Variants in ZNF280D observed in about 807,000 individuals in gnomAD.
ZNF280D encodes the protein zinc finger protein 280D.
A neutral mutation model predicts 94.7 loss-of-function variants in ZNF280D; 39 were observed. The ratio of observed to expected loss-of-function variants is 0.41; its 90% CI spans 0.32 to 0.54. ZNF280D has a LOEUF of 0.54. Among genes scored for constraint, ZNF280D ranks in the 20% least tolerant of loss-of-function variants. ZNF280D has a pLI of 0.22. For synonymous variants in ZNF280D, 398 were observed against 377.6 expected (o/e 1.05, Z -0.63); for missense variants, 1,090 against 1,149.3 (o/e 0.95, Z 0.75).
intron 16 of ZNF280D, among the ~76,000 whole-genome samples, chr15:56,663,628 T>C (rs867062290): frequency 6.6e-6 from 1 of 152,182 alleles, no homozygotes; most frequent in African/African-American, 2.4e-5. Context: ...AGAGTGGCAA[T>C]GGAAGCTTTT....
At chr15:56,708,660 A>G (rs2057562899) in intron 1 of ZNF280D, among the ~76,000 whole-genome samples, 1 of 152,182 alleles carries the variant, frequency 6.6e-6, no homozygotes. Flanking sequence ...CAAAACAGAG[A>G]TATAGGCCAA....
intron 1 of ZNF280D, among the ~76,000 whole-genome samples, chr15:56,715,522 A>C (rs186033729): frequency 2.5e-3 from 378 of 152,230 alleles, no homozygotes; most frequent in Admixed American, 5.2e-3. Flanking sequence ...TTTGAATAAA[A>C]GCTATACTGT....
intron 20 of ZNF280D, among the ~76,000 whole-genome samples, chr15:56,640,858 T>A (rs1179218496): frequency 6.6e-6 from 1 of 152,160 alleles, no homozygotes; most frequent in African/African-American, 2.4e-5. Flanking sequence ...GTTATTGATA[T>A]CAAATGCTGC....
rs540905848 is a variant in ZNF280D at position 56,658,577 on chromosome 15, G to C, written c.1995-91C>G. The C allele has an allele frequency of 3.2e-4, 276 of 856,376 alleles. 1 individual carries two copies. The highest frequency in any genetic ancestry group is 4.4e-4 in the Non-Finnish European group (255 of 574,572). The allele number at this position is 856,376 out of a possible 1,614,324, so 53.0% of individuals were successfully genotyped here. ...TTTCAAGTCCATACTTAAGTTTCTA[G>C]TTTGTAATAAAAGATTATAATGTAA... On this transcript the variant is annotated intron_variant, in intron 16 of 21. Transcript: ENST00000267807.
At chr15:56,697,187 T>A (rs1401197723) in intron 6 of ZNF280D, among the ~76,000 whole-genome samples, 1 of 152,064 alleles carries the variant, frequency 6.6e-6, no homozygotes, top group Non-Finnish European at 1.5e-5. Flanking sequence ...GGAACACCTA[T>A]TACTTTTTTT....
intron 7 of ZNF280D, among the ~76,000 whole-genome samples, chr15:56,692,130 G>A (rs1210046050): frequency 1.3e-5 from 2 of 152,044 alleles, no homozygotes; most frequent in African/African-American, 4.8e-5. Context: ...CATGCTTTAT[G>A]AAACCAGACT....
chr15:56,632,687 G>A (rs1174755608), intron 21 of ZNF280D, among the ~76,000 whole-genome samples: 1 of 151,148 alleles, frequency 6.6e-6, no homozygotes, highest in African/African-American at 2.4e-5. Flanking sequence ...ATAGAGACAA[G>A]GTTTTGCCAT....
chr15:56,652,957 T>C (rs1307012013), intron 19 of ZNF280D: 17 of 914,274 alleles, frequency 1.9e-5, no homozygotes, highest in Non-Finnish European at 2.1e-5. Context: ...AATATAAAAA[T>C]AGACATCATA....
At chr15:56,646,067 C>T (rs1276567544) in intron 19 of ZNF280D, among the ~76,000 whole-genome samples, 1 of 152,076 alleles carries the variant, frequency 6.6e-6, no homozygotes, top group Non-Finnish European at 1.5e-5. Context: ...TATTTGTAAG[C>T]ATACTAAAAA....
chr15:56,691,712 T>G (rs930293403), intron 7 of ZNF280D, among the ~76,000 whole-genome samples: 14 of 152,156 alleles, frequency 9.2e-5, no homozygotes, highest in Non-Finnish European at 1.6e-4. Context: ...ACTGAACATG[T>G]GGCACATATC....
chr15:56,707,904 A>C (rs1317493040), intron 1 of ZNF280D, among the ~76,000 whole-genome samples: 2 of 151,864 alleles, frequency 1.3e-5, no homozygotes, highest in South Asian at 2.1e-4. Flanking sequence ...CTAGTATGTC[A>C]ATAATTTATT....
rs966397495 is a variant in ZNF280D at position 56,700,208 on chromosome 15, T to C, written c.381+725A>G. 24 of 965,234 alleles carry C rather than the reference T, an allele frequency of 2.5e-5. No homozygotes were observed. In the African/African-American group the frequency reaches 3.7e-4, roughly 15 times the overall value. 59.8% of individuals were successfully genotyped at this position (965,234 alleles called of 1,614,324 possible). ...TTTATACACAACATATATGTATGTA[T>C]GTGTGCATATACATATAAACTATGG... On this transcript the variant is annotated intron_variant, in intron 6 of 21. Coordinates refer to ENST00000267807, the MANE Select transcript of ZNF280D (RefSeq NM_017661.4).
chr15:56,667,924 A>G (rs2140871950), intron 14 of ZNF280D: 1 of 188,528 alleles, frequency 5.3e-6, no homozygotes, highest in East Asian at 1.7e-4. Flanking sequence ...TGCTATAAAA[A>G]CATTTAGTAT....
At chr15:56,710,749 G>C (rs898923692) in intron 1 of ZNF280D, among the ~76,000 whole-genome samples, 2 of 151,890 alleles carry the variant, frequency 1.3e-5, no homozygotes, top group African/African-American at 4.8e-5. Flanking sequence ...GATATCACCC[G>C]ATGTACTGCT....
intron 6 of ZNF280D, among the ~76,000 whole-genome samples, chr15:56,696,799 A>G (rs1261303774): frequency 6.6e-6 from 1 of 152,218 alleles, no homozygotes; most frequent in Non-Finnish European, 1.5e-5. Context: ...TTAAGCAGCT[A>G]TCATTTCTGG....
At chr15:56,725,676 T>A (rs1281057333) in intron 1 of ZNF280D, among the ~76,000 whole-genome samples, 1 of 152,048 alleles carries the variant, frequency 6.6e-6, no homozygotes, top group Non-Finnish European at 1.5e-5. Flanking sequence ...AGAGAACTAC[T>A]GTACTAGATA....
At chr15:56,696,942 A>C (rs537649877) in intron 6 of ZNF280D, among the ~76,000 whole-genome samples, 1 of 152,318 alleles carries the variant, frequency 6.6e-6, no homozygotes, top group African/African-American at 2.4e-5. Context: ...CTAATTCCTA[A>C]CTCTTATAAC....
At position 56,635,209 on chromosome 15, in the gene ZNF280D, T is replaced by A. The variant is rs746775197; in HGVS notation, c.2301A>T (p.Thr767=). 6.4e-7 allele frequency: 1 copy of A among 1,558,518 alleles called. No individual in the cohort carries two copies. Among genetic ancestry groups the A allele is most frequent in the Admixed American group, 1.9e-5 (1 of 51,860 alleles). Residue 767 remains threonine (T), a synonymous_variant, in exon 21 of 22, where the codon ACA becomes ACT. Transcript: ENST00000267807. ...CTTATATTTACCTTTCAGAATTTGATGTTTCTGTTTCTCTTTCAGCCATGT... is the reference window on the plus strand; with the variant it reads ...CTTATATTTACCTTTCAGAATTTGAAGTTTCTGTTTCTCTTTCAGCCATGT... ...RPNMAERETE[T]SNSESKQDKA...
At chr15:56,680,151 A>G (rs1410863053) in intron 10 of ZNF280D, among the ~76,000 whole-genome samples, 3 of 152,216 alleles carry the variant, frequency 2.0e-5, no homozygotes, top group African/African-American at 7.2e-5. Context: ...AGTGACACTC[A>G]ATGTAGGAAA....
Sources: gnomAD v4.1 joint callset for allele counts (sites outside exome capture counted in the v4.1 genomes callset) on GRCh38, gnomAD v4.1.1 for gene constraint, MANE v1.5 for transcripts, NCBI Gene and HGNC (gene_info 2026-07-23, HGNC 2026-07-21) for gene names.